Variants in PCDH15 observed in about 807,000 individuals in gnomAD.
PCDH15 encodes the protein protocadherin related 15, also known as protocadherin-15.
PCDH15 carries 129 observed loss-of-function variants against 178.5 expected under a neutral mutation model. The ratio of observed to expected loss-of-function variants is 0.72; its 90% CI spans 0.63 to 0.84. The LOEUF (loss-of-function observed/expected upper bound fraction) is 0.84. Ranked by LOEUF, PCDH15 falls within the 40% of genes least tolerant of loss-of-function variation. The pLI, the probability that PCDH15 is intolerant of heterozygous loss-of-function variation, is 0.00. For synonymous variants in PCDH15, 800 were observed against 732.0 expected (o/e 1.09, Z -1.50); for missense variants, 2,230 against 2,099.9 (o/e 1.06, Z -1.21).
rs868498596 is a variant in PCDH15 at position 54,052,416 on chromosome 10, A to C, written c.2220+14341T>G. The stretch of plus-strand genomic sequence containing the variant: ...TGACTTGTATGTGAGACATGGAATC[A>C]AAGGAGGTCATTTTGAAACTTTAAG... On this transcript the variant is annotated intron_variant, in intron 18 of 37. Transcript: ENST00000644397. Among the ~76,000 whole-genome samples the C allele has an allele frequency of 6.6e-5, 10 of 152,208 alleles. No homozygotes were observed. The South Asian group carries it at 1.7e-3, about 25-fold the overall frequency.
chr10:55,559,778 T>A (rs1842159280), intron 2 of PCDH15, among the ~76,000 whole-genome samples: 1 of 151,912 alleles, frequency 6.6e-6, no homozygotes, highest in South Asian at 2.1e-4. Context: ...AAAGTGTGCA[T>A]CTCCTCTCAA....
At chr10:54,393,058 G>A (rs1330903417) in intron 3 of PCDH15, among the ~76,000 whole-genome samples, 1 of 152,028 alleles carries the variant, frequency 6.6e-6, no homozygotes, top group South Asian at 2.1e-4. Flanking sequence ...AAGATGTTTG[G>A]CTAATTTCCA....
At chr10:53,816,408 T>A (rs2076060526) in intron 34 of PCDH15, 131 bp from the exon 35 acceptor site, 1 of 393,346 alleles carries the variant, frequency 2.5e-6, no homozygotes, top group Non-Finnish European at 4.5e-6. Context: ...TCATTATTCA[T>A]GTGTTAGCTA....
chr10:55,510,974 G>A (rs1840870004), intron 2 of PCDH15, among the ~76,000 whole-genome samples: 1 of 151,136 alleles, frequency 6.6e-6, no homozygotes, highest in Admixed American at 6.6e-5. Context: ...GATCCTCCAT[G>A]TCAACCTCCC....
At chr10:55,526,114 A>G (rs1370550231) in intron 2 of PCDH15, among the ~76,000 whole-genome samples, 1 of 151,984 alleles carries the variant, frequency 6.6e-6, no homozygotes, top group Non-Finnish European at 1.5e-5. Context: ...TTACTAAATT[A>G]TAATGAATGA....
At chr10:55,277,655 A>G (rs1292148993) in intron 1 of PCDH15, among the ~76,000 whole-genome samples, 2 of 152,010 alleles carry the variant, frequency 1.3e-5, no homozygotes, top group Non-Finnish European at 2.9e-5. Flanking sequence ...TATATTCCCC[A>G]AGATGTACTG....
At chr10:54,184,076 T>C (rs925555691) in intron 12 of PCDH15, among the ~76,000 whole-genome samples, 5 of 152,156 alleles carry the variant, frequency 3.3e-5, no homozygotes, top group African/African-American at 1.2e-4. Context: ...CTAAGTGGTA[T>C]CATTTAATTG....
intron 2 of PCDH15, among the ~76,000 whole-genome samples, chr10:55,478,489 G>C: frequency 6.6e-6 from 1 of 151,396 alleles, no homozygotes; most frequent in Non-Finnish European, 1.5e-5. Context: ...TAATGAAACA[G>C]AGTATAAGCA....
intron 15 of PCDH15, among the ~76,000 whole-genome samples, chr10:54,099,133 A>T (rs993766470): frequency 6.6e-6 from 1 of 152,172 alleles, no homozygotes; most frequent in African/African-American, 2.4e-5. Flanking sequence ...ACACAGGCAA[A>T]CAGTGAATGA....
chr10:54,445,823 G>C (rs746150700), intron 3 of PCDH15, among the ~76,000 whole-genome samples: 1 of 151,336 alleles, frequency 6.6e-6, no homozygotes, highest in Non-Finnish European at 1.5e-5. Flanking sequence ...TGTGTTTTTA[G>C]TCTTTTCACA....
chr10:55,183,222 C>CT (rs1269177371), intron 1 of PCDH15, among the ~76,000 whole-genome samples: 15 of 151,982 alleles, frequency 9.9e-5, no homozygotes, highest in African/African-American at 3.4e-4. Flanking sequence ...ACCATTTGTC[C>CT]TTATGAATGT....
At position 53,922,163 on chromosome 10, in the gene PCDH15, T is replaced by C. The variant is rs113119043; in HGVS notation, c.3373+16652A>G. Among the ~76,000 whole-genome samples, 406 of 152,248 alleles carry C rather than the reference T, an allele frequency of 2.7e-3. 1 individual carries two copies. Among genetic ancestry groups the C allele is most frequent in the African/African-American group, 8.9e-3 (371 of 41,550 alleles). On this transcript the variant is annotated intron_variant, in intron 25 of 37. Coordinates refer to ENST00000644397, the MANE Select transcript of PCDH15 (RefSeq NM_001384140.1). ...GCTGCTTTTCTAACATGTCACAACC[T>C]ACAATCCCTGGTAATACAGAGAATT...
intron 2 of PCDH15, among the ~76,000 whole-genome samples, chr10:55,116,920 G>A (rs957552057): frequency 2.0e-5 from 3 of 152,120 alleles, no homozygotes; most frequent in African/African-American, 7.2e-5. Flanking sequence ...GGAACAGAAA[G>A]AATAGTCTAA....
intron 11 of PCDH15, among the ~76,000 whole-genome samples, chr10:54,193,411 T>C (rs12774588): frequency 0.27 from 41,622 of 152,120 alleles, 6,379 homozygotes; most frequent in Non-Finnish European, 0.36. Flanking sequence ...AACCACCAGT[T>C]CTATTAAGGT....
intron 3 of PCDH15, among the ~76,000 whole-genome samples, chr10:54,393,551 C>T (rs1647464134): frequency 6.6e-6 from 1 of 152,178 alleles, no homozygotes; most frequent in African/African-American, 2.4e-5. Context: ...AATATATCAA[C>T]TCATTATTCA....
rs150541568 is a variant in PCDH15 at position 55,270,440 on chromosome 10, G to GAA, written c.-156+49157_-156+49158dup. The stretch of plus-strand genomic sequence containing the variant: ...GTAAGGAACTTAAACAAAACAAAAT[G>GAA]AAAAAAAAAACCAAATAACTCCATT... On this transcript the variant is annotated intron_variant, in intron 1 of 5. Coordinates refer to the PCDH15 transcript ENST00000458638. Among the ~76,000 whole-genome samples, 71 of 145,714 alleles carry GAA rather than the reference G, an allele frequency of 4.9e-4. 1 individual carries two copies. In the South Asian group the frequency reaches 0.011, roughly 23 times the overall value.
Position 54,416,963 on chromosome 10 carries a change from TG to T in PCDH15, c.158-38022del, listed in dbSNP as rs367576060. 4.0e-4 allele frequency among the ~76,000 whole-genome samples: 61 copies of T among 152,300 alleles called. 1 individual carries two copies. The highest frequency in any genetic ancestry group is 1.3e-3 in the African/African-American group (52 of 41,578). On this transcript the variant is annotated intron_variant, in intron 3 of 37. Transcript: ENST00000644397. ...TTCATATCCTTTGCCCACTTTTTGA[TG>T]GGGTTGTTTTTTTCTTGTAAATTTG...
At chr10:53,870,246 T>G (rs1174076686) in intron 26 of PCDH15, among the ~76,000 whole-genome samples, 1 of 152,178 alleles carries the variant, frequency 6.6e-6, no homozygotes, top group Non-Finnish European at 1.5e-5. Context: ...CTGAAACAAA[T>G]TATCACTTAA....
In PCDH15 at chr10:53,803,368, C is replaced by T. The variant is rs546354388; in HGVS notation, c.*3211G>A. ...ATAAAAGACAGAAAATGTCTTCCCT[C>T]GAGAGTCAATATTCAATTACTTCTG... On this transcript the variant is annotated 3_prime_UTR_variant, in exon 38 of 38. Transcript: ENST00000644397. The T allele has an allele frequency of 6.6e-5, 10 of 151,892 alleles. No individual in the cohort carries two copies. The highest frequency in any genetic ancestry group is 2.6e-4 in the Admixed American group (4 of 15,220). 9.4% of individuals were successfully genotyped at this position (151,892 alleles called of 1,614,324 possible). A position where few individuals can be genotyped will look rare whatever the true frequency, so the allele number is the denominator to read the frequency against.
Sources: gnomAD v4.1 joint callset for allele counts (sites outside exome capture counted in the v4.1 genomes callset) on GRCh38, gnomAD v4.1.1 for gene constraint, MANE v1.5 for transcripts, NCBI Gene and HGNC (gene_info 2026-07-23, HGNC 2026-07-21) for gene names.